The following GEMIN4 variants were observed in gnomAD, a reference collection of about 807,000 sequenced individuals.
GEMIN4 encodes gem-associated protein 4.
In GEMIN4, 59 loss-of-function variants were observed where a neutral mutation model predicts 76.8. The ratio of observed to expected loss-of-function variants is 0.77; its 90% CI spans 0.62 to 0.95. The LOEUF is 0.95. GEMIN4 is among the 40% of genes least tolerant of loss of function. The pLI is 0.00. For synonymous variants in GEMIN4, 562 were observed against 559.7 expected (o/e 1.00, Z -0.06); for missense variants, 1,311 against 1,318.9 (o/e 0.99, Z 0.09).
chr17:744,935 C>A lies in GEMIN4; in HGVS notation c.3108G>T (p.Lys1036Asn). 6.2e-7 allele frequency: 1 copy of A among 1,613,900 alleles called. No homozygotes were observed. The highest frequency in any genetic ancestry group is 8.5e-7 in the Non-Finnish European group (1 of 1,179,858). The change falls in exon 2 of 2, where the codon AAG (lysine) becomes AAT (asparagine). Residue 1036 changes from lysine to asparagine, a missense_variant. Around this residue, in one of 2 missense-constraint regions of GEMIN4, gnomAD observed 1,208 missense variants for 1,166.9 expected, o/e 1.04. Coordinates refer to ENST00000319004, the MANE Select transcript of GEMIN4 (RefSeq NM_015721.3). ...CAGGGCCGATGCCCTCAGCAATGGA[C>A]TTTAAGAAGCGCTGCTCGTGTGCCC... ...LQRAHEQRFLKSIAEGIGPEE... is the reference protein window; with the variant it reads ...LQRAHEQRFLNSIAEGIGPEE...
In GEMIN4 at chr17:747,617, C is replaced by G; in HGVS notation, c.426G>C (p.Glu142Asp). The G allele has an allele frequency of 6.2e-7, 1 of 1,613,954 alleles. No individual in the cohort carries two copies. The change falls in exon 2 of 2, where the codon GAG becomes GAC. Residue 142 changes from glutamate to aspartate, a missense_variant. Coordinates refer to ENST00000319004, the MANE Select transcript of GEMIN4 (RefSeq NM_015721.3). ...CAACGGTCACATGTTCCAGAAAGCG[C>G]TCTAGTTCTGCATGGCAGATGGTGG... ...LPTTICHAEL[E>D]RFLEHVTVDT...
At position 744,856 on chromosome 17, in the gene GEMIN4, C is replaced by T; in HGVS notation, c.*10G>A. 3.7e-6 allele frequency: 6 copies of T among 1,601,368 alleles called. No individual in the cohort carries two copies. The highest frequency in any genetic ancestry group is 4.3e-6 in the Non-Finnish European group (5 of 1,173,994). On this transcript the variant is annotated 3_prime_UTR_variant, in exon 2 of 2. Coordinates refer to ENST00000319004, the MANE Select transcript of GEMIN4 (RefSeq NM_015721.3). Reference sequence around the variant, plus strand: ...ACCCGCCATGTTGGGGCCCAGCTCCCCACGCCAAGTCAGAAGCTGCTCATC... The same window carrying T: ...ACCCGCCATGTTGGGGCCCAGCTCCTCACGCCAAGTCAGAAGCTGCTCATC...
In GEMIN4 at chr17:745,897, T is replaced by G. The variant is rs757449752; in HGVS notation, c.2146A>C (p.Lys716Gln). The change falls in exon 2 of 2, where the codon AAG becomes CAG. Residue 716 changes from lysine (K) to glutamine (Q), a missense_variant. By Grantham distance (53) the Lys-to-Gln change is moderately conservative. Around this residue, in one of 2 missense-constraint regions of GEMIN4, gnomAD observed 1,208 missense variants for 1,166.9 expected, o/e 1.04. Coordinates refer to ENST00000319004, the MANE Select transcript of GEMIN4 (RefSeq NM_015721.3). The surrounding 1 kb of genome is among the most constrained non-coding windows in gnomAD (Gnocchi z 4.6). ...DRFSKYWQLPKEKRCLSLDRK... is the reference protein window; with the variant it reads ...DRFSKYWQLPQEKRCLSLDRK... ...TCCAAAGAGAGGCACCGCTTCTCCT[T>G]GGGAAGCTGCCAGTATTTGCTGAAG... 3.3e-5 allele frequency: 54 copies of G among 1,612,818 alleles called. No homozygotes were observed. Among genetic ancestry groups the G allele is most frequent in the Non-Finnish European group, 2.4e-5 (28 of 1,179,852 alleles).
rs369912401 is a variant in GEMIN4 at position 746,310 on chromosome 17, A to G, written c.1733T>C (p.Leu578Pro). ...AVVNLGTHKF[L>P]AQILTAFPAL... ...AGGGAAGGCAGTGAGAATCTGGGCCAGGAACTTGTGGGTGCCGAGATTGAC... is the reference window on the plus strand; with the variant it reads ...AGGGAAGGCAGTGAGAATCTGGGCCGGGAACTTGTGGGTGCCGAGATTGAC... Residue 578 changes from leucine (L) to proline (P), a missense_variant, in exon 2 of 2, where the codon CTG becomes CCG. Transcript: ENST00000319004. This position sits in a 1 kb window ranked among gnomAD's most constrained non-coding sequence, Gnocchi z 4.3. The G allele has an allele frequency of 1.9e-6, 3 of 1,613,782 alleles. No individual in the cohort carries two copies. The highest frequency in any genetic ancestry group is 8.5e-7 in the Non-Finnish European group (1 of 1,179,890).
At position 746,728 on chromosome 17, in the gene GEMIN4, C is replaced by A. The variant is rs1343913741; in HGVS notation, c.1315G>T (p.Ala439Ser). The change falls in exon 2 of 2, where the codon GCC becomes TCC. Residue 439 changes from alanine (A) to serine (S), a missense_variant. Around this residue, in one of 2 missense-constraint regions of GEMIN4, gnomAD observed 1,208 missense variants for 1,166.9 expected, o/e 1.04. Transcript: ENST00000319004. The surrounding 1 kb of genome is among the most constrained non-coding windows in gnomAD (Gnocchi z 4.3). ...KKWAFSDEWV[A>S]CLGSNRALFR... ...AGGGCCCTGTTACTCCCCAGGCAGG[C>A]TACCCACTCGTCCGAGAAGGCCCAC... 7 of 1,613,718 alleles carry A rather than the reference C, an allele frequency of 4.3e-6. No individual in the cohort carries two copies. The highest frequency in any genetic ancestry group is 5.9e-6 in the Non-Finnish European group (7 of 1,179,886).
Position 747,479 on chromosome 17 carries a change from CT to C in GEMIN4, c.563del (p.Lys188SerfsTer6). ...LLSQFSAMAH[K>X]YLPALDEFPH... ...GGAACTCATCTAAGGCAGGCAGGTACTTATGGGCCATTGCACTAAACTGGGA... is the reference window on the plus strand; with the variant it reads ...GGAACTCATCTAAGGCAGGCAGGTACTATGGGCCATTGCACTAAACTGGGA... On this transcript the variant is annotated frameshift_variant, in exon 2 of 2. Transcript: ENST00000319004. LOFTEE classifies it high-confidence loss of function. 6.2e-7 allele frequency: 1 copy of C among 1,613,884 alleles called. No individual in the cohort carries two copies. Among genetic ancestry groups the C allele is most frequent in the Non-Finnish European group, 8.5e-7 (1 of 1,179,846 alleles).
chr17:745,441 C>T lies in GEMIN4; in HGVS notation c.2602G>A (p.Glu868Lys). Residue 868 changes from glutamate (E) to lysine (K), a missense_variant, in exon 2 of 2, where the codon GAG becomes AAG. Physicochemically the swap from Glu to Lys is moderately conservative, Grantham distance 56. This residue lies in a region of GEMIN4 where 1,208 missense variants were observed against 1,166.9 expected (regional missense o/e 1.04). Transcript: ENST00000319004. The surrounding 1 kb of genome is among the most constrained non-coding windows in gnomAD (Gnocchi z 4.6). ...VQVMPWCSPQ[E>K]WQRLHQLTRR... ...GTCAGCTGGTGAAGGCGCTGCCACTCCTGAGGGCTGCACCAAGGCATGACT... is the reference window on the plus strand; with the variant it reads ...GTCAGCTGGTGAAGGCGCTGCCACTTCTGAGGGCTGCACCAAGGCATGACT... 1 of 1,612,712 alleles carries T rather than the reference C, an allele frequency of 6.2e-7. No homozygotes were observed. The highest frequency in any genetic ancestry group is 8.5e-7 in the Non-Finnish European group (1 of 1,179,800).
At position 744,530 on chromosome 17, in the gene GEMIN4, G is replaced by T; in HGVS notation, c.*336C>A. 4.6e-6 allele frequency: 1 copy of T among 215,236 alleles called. No individual in the cohort carries two copies. Among genetic ancestry groups the T allele is most frequent in the Non-Finnish European group, 9.2e-6 (1 of 108,642 alleles). 13.3% of individuals were successfully genotyped at this position (215,236 alleles called of 1,614,324 possible). ...TCCAGTTATGAACATGTTCCTCCTG[G>T]CTGGATTTGATCTTGAAGACACTAA... is the stretch of plus-strand genomic sequence containing the variant. On this transcript the variant is annotated 3_prime_UTR_variant, in exon 2 of 2. Coordinates refer to ENST00000319004, the MANE Select transcript of GEMIN4 (RefSeq NM_015721.3).
chr17:751,552 C>G (rs1394103917), intron 1 of GEMIN4: 1 of 152,344 alleles, frequency 6.6e-6, no homozygotes, highest in Non-Finnish European at 1.5e-5. Flanking sequence ...CTGTAAGATT[C>G]TGAATCCGGA....
In GEMIN4 at chr17:745,094, G is replaced by A; in HGVS notation, c.2949C>T (p.Phe983=). Residue 983 remains phenylalanine, a synonymous_variant, in exon 2 of 2, where the codon TTC becomes TTT. Transcript: ENST00000319004. The surrounding 1 kb of genome is among the most constrained non-coding windows in gnomAD (Gnocchi z 4.6). The part of the protein sequence containing the change: ...QEALFVYTQV[F]CHALHIMAML... ...TGGCCATGATGTGCAGAGCATGGCA[G>A]AACACCTGGGTGTAAACAAACAGGG... is the stretch of plus-strand genomic sequence containing the variant. The A allele has an allele frequency of 6.2e-7, 1 of 1,612,940 alleles. No homozygotes were observed. Among genetic ancestry groups the A allele is most frequent in the South Asian group, 1.1e-5 (1 of 90,908 alleles).
At position 746,388 on chromosome 17, in the gene GEMIN4, A is replaced by AG. The variant is rs774847366; in HGVS notation, c.1654dup (p.Leu552ProfsTer38). 6.2e-7 allele frequency: 1 copy of AG among 1,613,888 alleles called. No homozygotes were observed. The highest frequency in any genetic ancestry group is 1.1e-5 in the South Asian group (1 of 91,084). On this transcript the variant is annotated frameshift_variant, in exon 2 of 2. Transcript: ENST00000319004. LOFTEE classifies it high-confidence loss of function. This position sits in a 1 kb window ranked among gnomAD's most constrained non-coding sequence, Gnocchi z 4.3. The stretch of plus-strand genomic sequence containing the variant: ...CGTGACTTCCGGGTGCACTATGACC[A>AG]GGCGGGCCACGGAGGCCACAGCTTT...
At chr17:753,103 G>A (rs1342595731), upstream of GEMIN4, 4 of 154,034 alleles carry the variant, frequency 2.6e-5, no homozygotes, top group Admixed American at 6.6e-5. Flanking sequence ...GGGGCTACGC[G>A]GCCAAAGTGG....
At chr17:748,383 GA>G in intron 1 of GEMIN4, 1 of 241,634 alleles carries the variant, frequency 4.1e-6, no homozygotes. Flanking sequence ...GTTCAGGAGG[GA>G]AGTAAGCTGG....
In GEMIN4 at chr17:745,966, A is replaced by T. The variant is rs779108447; in HGVS notation, c.2077T>A (p.Ser693Thr). The change falls in exon 2 of 2, where the codon TCC becomes ACC. Residue 693 changes from serine to threonine, a missense_variant. By Grantham distance (58) the Ser-to-Thr change is moderately conservative. Around this residue, in one of 2 missense-constraint regions of GEMIN4, gnomAD observed 1,208 missense variants for 1,166.9 expected, o/e 1.04. Transcript: ENST00000319004. The surrounding 1 kb of genome is among the most constrained non-coding windows in gnomAD (Gnocchi z 4.6). ...AAGCTGAAGAGGAGTGGAAACGGGG[A>T]GCAGGTCTGGAGCCAGTATTCCTCT... The part of the protein sequence containing the change: ...CREEYWLQTC[S>T]PFPLLFSLCQ... 1 of 1,613,170 alleles carries T rather than the reference A, an allele frequency of 6.2e-7. No individual in the cohort carries two copies. Among genetic ancestry groups the T allele is most frequent in the Non-Finnish European group, 8.5e-7 (1 of 1,179,842 alleles).
At position 745,079 on chromosome 17, in the gene GEMIN4, G is replaced by C. The variant is rs1332024598; in HGVS notation, c.2964C>G (p.His988Gln). The C allele has an allele frequency of 6.2e-7, 1 of 1,613,562 alleles. No homozygotes were observed. ...CCTCCGGGTGGAGCATGGCCATGAT[G>C]TGCAGAGCATGGCAGAACACCTGGG... ...VYTQVFCHALHIMAMLHPEVC... is the reference protein window; with the variant it reads ...VYTQVFCHALQIMAMLHPEVC... Residue 988 changes from histidine to glutamine, a missense_variant, in exon 2 of 2, where the codon CAC (histidine) becomes CAG (glutamine). His to Gln is a conservative substitution (Grantham distance 24). This residue lies in a region of GEMIN4 where 1,208 missense variants were observed against 1,166.9 expected (regional missense o/e 1.04). Transcript: ENST00000319004. This position sits in a 1 kb window ranked among gnomAD's most constrained non-coding sequence, Gnocchi z 4.6.
In GEMIN4 at chr17:747,232, T is replaced by G. The variant is rs1483014546; in HGVS notation, c.811A>C (p.Thr271Pro). The change falls in exon 2 of 2, where the codon ACG becomes CCG. Residue 271 changes from threonine (T) to proline (P), a missense_variant. Coordinates refer to ENST00000319004, the MANE Select transcript of GEMIN4 (RefSeq NM_015721.3). ...SATVYLDKLATVISVWNSDTQ... is the reference protein window; with the variant it reads ...SATVYLDKLAPVISVWNSDTQ... ...TCCGAGTTCCACACAGAGATCACCG[T>G]GGCCAGTTTGTCCAGATACACGGTT... 6.2e-7 allele frequency: 1 copy of G among 1,613,824 alleles called. No individual in the cohort carries two copies. The highest frequency in any genetic ancestry group is 1.7e-5 in the Admixed American group (1 of 60,018).
chr17:753,730 G>T (rs1452297785), upstream of GEMIN4: 1 of 152,354 alleles, frequency 6.6e-6, no homozygotes, highest in African/African-American at 2.4e-5. Context: ...TTACAAGAGC[G>T]TATGTAGGTA....
chr17:744,768 C>T lies in GEMIN4; in HGVS notation c.*98G>A. ...CTGCTCGGGTCTGACCCCTACAGACCTGCCATGTTGAAGCCCAGCTTTTTC... is the reference window on the plus strand; with the variant it reads ...CTGCTCGGGTCTGACCCCTACAGACTTGCCATGTTGAAGCCCAGCTTTTTC... On this transcript the variant is annotated 3_prime_UTR_variant, in exon 2 of 2. Transcript: ENST00000319004. 7.4e-7 allele frequency: 1 copy of T among 1,345,366 alleles called. No individual in the cohort carries two copies. Among genetic ancestry groups the T allele is most frequent in the Non-Finnish European group, 9.9e-7 (1 of 1,007,698 alleles). 83.3% of individuals were successfully genotyped at this position (1,345,366 alleles called of 1,614,324 possible).
Position 745,861 on chromosome 17 carries a change from G to A in GEMIN4, c.2182C>T (p.Leu728=). 6.2e-7 allele frequency: 1 copy of A among 1,612,822 alleles called. No homozygotes were observed. Among genetic ancestry groups the A allele is most frequent in the Non-Finnish European group, 8.5e-7 (1 of 1,179,824 alleles). ...AGGAGCTCCAGGATATGGATCGCTA[G>A]ATCCTTCCTATCCAAAGAGAGGCAC... ...KRCLSLDRKD[L]AIHILELLCE... is the part of the protein sequence containing the mutation. The change falls in exon 2 of 2, where the codon CTA becomes TTA. Residue 728 remains leucine, a synonymous_variant. Transcript: ENST00000319004. This position sits in a 1 kb window ranked among gnomAD's most constrained non-coding sequence, Gnocchi z 4.6.
Sources: allele counts gnomAD v4.1 joint callset, GRCh38; gene constraint gnomAD v4.1.1; regional missense constraint gnomAD v4.1.1; non-coding constraint Gnocchi (gnomAD v3.1); transcripts MANE v1.5; gene names NCBI Gene and HGNC (gene_info 2026-07-23, HGNC 2026-07-21).